The following CSMD1 variants were observed in gnomAD, a reference collection of about 807,000 sequenced individuals.
CSMD1 encodes the protein CUB and sushi domain-containing protein 1.
CSMD1 carries 213 observed loss-of-function variants against 417.5 expected under a neutral mutation model. The observed-to-expected ratio is 0.51, with a 90% CI of 0.46 to 0.57. The LOEUF is 0.57. Ranked by LOEUF, CSMD1 falls within the 20% of genes least tolerant of loss-of-function variation. The pLI, the probability that CSMD1 is intolerant of heterozygous loss-of-function variation, is 0.00. For missense variants in CSMD1, 6,923 were observed against 4,529.7 expected, an observed-to-expected ratio of 1.53 and a Z score of -15.17; for synonymous variants, 2,862 against 1,736.8, an observed-to-expected ratio of 1.65 and a Z score of -16.11.
intron 5 of CSMD1, among the ~76,000 whole-genome samples, chr8:3,879,098 G>C (rs753304663): frequency 1.3e-5 from 2 of 152,114 alleles, no homozygotes; most frequent in African/African-American, 2.4e-5. Flanking sequence ...CAAGCATGTA[G>C]TCATCTTCTT....
chr8:3,285,622 C>G (rs1264241203), intron 25 of CSMD1, among the ~76,000 whole-genome samples: 1 of 151,988 alleles, frequency 6.6e-6, no homozygotes, highest in Non-Finnish European at 1.5e-5. Context: ...TGGTCTTGAA[C>G]TCCTCACCTC....
intron 17 of CSMD1, among the ~76,000 whole-genome samples, chr8:3,391,844 A>G (rs535782837): frequency 1.3e-4 from 20 of 152,306 alleles, no homozygotes; most frequent in Admixed American, 1.2e-3. Context: ...CGTCATTAAT[A>G]ATTTCAGAAA....
At chr8:3,420,058 A>G (rs1277413850) in intron 12 of CSMD1, among the ~76,000 whole-genome samples, 1 of 152,206 alleles carries the variant, frequency 6.6e-6, no homozygotes, top group Non-Finnish European at 1.5e-5. Flanking sequence ...GGGTATATTA[A>G]GTTCTATCTC....
intron 7 of CSMD1, among the ~76,000 whole-genome samples, chr8:3,670,144 A>T (rs1055482577): frequency 6.6e-6 from 1 of 152,064 alleles, no homozygotes; most frequent in African/African-American, 2.4e-5. Context: ...ATGCCAAAGG[A>T]GATTAATATT....
chr8:3,289,646 ATCCT>A (rs1803403989), intron 25 of CSMD1, among the ~76,000 whole-genome samples: 1 of 144,468 alleles, frequency 6.9e-6, no homozygotes, highest in Non-Finnish European at 1.5e-5. Context: ...GTCTGTTCAT[ATCCT>A]TTGCCCACTT....
intron 30 of CSMD1, among the ~76,000 whole-genome samples, 164 bp from the exon 31 acceptor site, chr8:3,205,784 C>A (rs1797219415): frequency 6.6e-6 from 1 of 151,920 alleles, no homozygotes; most frequent in Non-Finnish European, 1.5e-5. Flanking sequence ...CATAGAAAGA[C>A]AAAGATTTAC....
intron 1 of CSMD1, among the ~76,000 whole-genome samples, chr8:4,707,338 G>T (rs1437660230): frequency 2.0e-5 from 3 of 152,160 alleles, no homozygotes; most frequent in African/African-American, 7.2e-5. Flanking sequence ...GATCACAAAG[G>T]AGAGCTGGGA....
intron 7 of CSMD1, among the ~76,000 whole-genome samples, chr8:3,664,416 C>G (rs937225809): frequency 3.9e-5 from 6 of 152,214 alleles, no homozygotes; most frequent in Non-Finnish European, 8.8e-5. Flanking sequence ...AATCAGTTCT[C>G]TTCCAAAACC....
At chr8:4,077,493 T>G (rs1483478801) in intron 3 of CSMD1, among the ~76,000 whole-genome samples, 4 of 151,966 alleles carry the variant, frequency 2.6e-5, no homozygotes, top group Non-Finnish European at 5.9e-5. Context: ...TCACCTCAGT[T>G]TACTTGCATT....
At chr8:4,519,312 A>G (rs984600789) in intron 2 of CSMD1, among the ~76,000 whole-genome samples, 2 of 152,146 alleles carry the variant, frequency 1.3e-5, no homozygotes, top group African/African-American at 2.4e-5. Context: ...ACCTAAATGC[A>G]TGGATGAATG....
intron 5 of CSMD1, among the ~76,000 whole-genome samples, chr8:3,983,455 T>C (rs1814058279): frequency 6.6e-6 from 1 of 152,118 alleles, no homozygotes; most frequent in African/African-American, 2.4e-5. Context: ...TAAAATTACC[T>C]ATAAGTCACC....
chr8:4,813,842 G>A (rs1563470327), intron 1 of CSMD1, among the ~76,000 whole-genome samples: 1 of 152,268 alleles, frequency 6.6e-6, no homozygotes, highest in South Asian at 2.1e-4. Context: ...ATTCCAGAGT[G>A]CATAGTAGCA....
intron 3 of CSMD1, among the ~76,000 whole-genome samples, chr8:4,043,763 T>C (rs1022213228): frequency 6.6e-6 from 1 of 152,200 alleles, no homozygotes; most frequent in African/African-American, 2.4e-5. Context: ...TGCTGAGCTC[T>C]TTCAAATGCT....
At chr8:4,950,772 C>G (rs1303031045) in intron 1 of CSMD1, among the ~76,000 whole-genome samples, 1 of 152,048 alleles carries the variant, frequency 6.6e-6, no homozygotes, top group Non-Finnish European at 1.5e-5. Context: ...TGGCAGCACG[C>G]TAAGTCAGAC....
chr8:4,041,497 C>G (rs1021039788), intron 3 of CSMD1, among the ~76,000 whole-genome samples: 3 of 152,140 alleles, frequency 2.0e-5, no homozygotes, highest in Non-Finnish European at 2.9e-5. Context: ...CACAAATAGT[C>G]AACCAAACCC....
At chr8:3,842,566 G>C (rs963144756) in intron 5 of CSMD1, among the ~76,000 whole-genome samples, 2 of 152,122 alleles carry the variant, frequency 1.3e-5, no homozygotes, top group African/African-American at 4.8e-5. Context: ...GGACACAGTA[G>C]TAGAAATAAC....
intron 5 of CSMD1, among the ~76,000 whole-genome samples, chr8:3,900,473 CTG>C (rs1167781904): frequency 6.7e-6 from 1 of 150,262 alleles, no homozygotes; most frequent in East Asian, 2.0e-4. Context: ...CTGGGTGACA[CTG>C]TACCTGGTTG....
chr8:3,434,902 G>T (rs772369644), intron 12 of CSMD1, among the ~76,000 whole-genome samples: 1 of 152,214 alleles, frequency 6.6e-6, no homozygotes, highest in South Asian at 2.1e-4. Context: ...GAATACTTGT[G>T]ATTGGTTTAA....
chr8:3,342,703 T>C (rs1807739158), intron 23 of CSMD1, among the ~76,000 whole-genome samples: 7 of 152,164 alleles, frequency 4.6e-5, no homozygotes, highest in Admixed American at 4.6e-4. Flanking sequence ...CACCGATAAC[T>C]GGGAGCTACA....
Sources: allele counts gnomAD v4.1 joint callset (sites outside exome capture counted in the v4.1 genomes callset), GRCh38; gene constraint gnomAD v4.1.1; transcripts MANE v1.5; gene names NCBI Gene and HGNC (gene_info 2026-07-23, HGNC 2026-07-21).